The following SCLT1 variants were observed in gnomAD, a reference collection of about 807,000 sequenced individuals.
SCLT1 encodes sodium channel-associated protein 1.
SCLT1 carries 78 observed loss-of-function variants against 112.8 expected under a neutral mutation model. The observed-to-expected ratio is 0.69, with a 90% CI of 0.58 to 0.83. The LOEUF (loss-of-function observed/expected upper bound fraction) is 0.83, where lower values mean the gene tolerates loss of function less well. Among genes scored for constraint, SCLT1 ranks in the 40% least tolerant of loss-of-function variants. SCLT1 has a pLI of 0.00. For missense variants in SCLT1, 747 were observed against 770.4 expected (o/e 0.97, Z 0.36); for synonymous variants, 257 against 254.7 (o/e 1.01, Z -0.09).
At chr4:129,034,732 A>T (rs1281106388) in intron 5 of SCLT1, among the ~76,000 whole-genome samples, 1 of 150,630 alleles carries the variant, frequency 6.6e-6, no homozygotes, top group Non-Finnish European at 1.5e-5. Flanking sequence ...AAGGCCAGAG[A>T]GTACATAAAT....
intron 18 of SCLT1, among the ~76,000 whole-genome samples, chr4:128,911,326 G>A (rs1735080489): frequency 1.3e-5 from 2 of 152,162 alleles, no homozygotes; most frequent in African/African-American, 4.8e-5. Flanking sequence ...AGTAAGATTA[G>A]TACATATATA....
chr4:128,916,122 A>G (rs1735453543), intron 18 of SCLT1, among the ~76,000 whole-genome samples: 1 of 152,212 alleles, frequency 6.6e-6, no homozygotes, highest in African/African-American at 2.4e-5. Flanking sequence ...TTAAATTGCA[A>G]GGTATAATTC....
Position 128,884,288 on chromosome 4 carries a change from T to C in SCLT1, c.*189A>G. On this transcript the variant is annotated 3_prime_UTR_variant, in exon 21 of 21. Coordinates refer to ENST00000281142, the MANE Select transcript of SCLT1 (RefSeq NM_144643.4). ...TCTCCACTGAAGCTCAATATAGGAT[T>C]ATATTTTCTTTACTTACAGGAAGTG... The C allele has an allele frequency of 6.3e-6, 3 of 479,130 alleles. No individual in the cohort carries two copies. Among genetic ancestry groups the C allele is most frequent in the Non-Finnish European group, 1.1e-5 (3 of 272,228 alleles). 29.7% of individuals were successfully genotyped at this position (479,130 alleles called of 1,614,324 possible).
In SCLT1 at chr4:129,052,679, G is replaced by C. The variant is rs567064454; in HGVS notation, c.103-8628C>G. 2.0e-5 allele frequency among the ~76,000 whole-genome samples: 3 copies of C among 152,022 alleles called. No homozygotes were observed. The South Asian group carries it at 6.2e-4, about 32-fold the overall frequency. On this transcript the variant is annotated intron_variant, in intron 2 of 20. Transcript: ENST00000281142. ...AATCATTGATCTTTTAGAAAAATTA[G>C]CTCCTAGACTTATTAATTTTTTGAA...
At chr4:129,011,781 A>G (rs1744543575) in intron 5 of SCLT1, among the ~76,000 whole-genome samples, 1 of 152,124 alleles carries the variant, frequency 6.6e-6, no homozygotes, top group Non-Finnish European at 1.5e-5. Context: ...GTATGTGTCT[A>G]GAAATTCATC....
chr4:128,981,892 A>G (rs767482762), intron 9 of SCLT1, among the ~76,000 whole-genome samples: 3 of 152,198 alleles, frequency 2.0e-5, no homozygotes, highest in Non-Finnish European at 4.4e-5. Flanking sequence ...TCCTATAGGC[A>G]TTTAGTAGCC....
Position 128,992,203 on chromosome 4 carries a change from T to C in SCLT1, c.650A>G (p.Gln217Arg). 6.2e-7 allele frequency: 1 copy of C among 1,602,814 alleles called. No homozygotes were observed. Among genetic ancestry groups the C allele is most frequent in the Non-Finnish European group, 8.5e-7 (1 of 1,173,600 alleles). Residue 217 changes from glutamine to arginine, a missense_variant, in exon 9 of 21, where the codon CAA (glutamine) becomes CGA (arginine). Transcript: ENST00000281142. ...TCGGAGTTGTTCGATTATCACACTT[T>C]GTTCAGTTACTGTTTTCAGAAACTG... ...NQQFLKTVTE[Q>R]SVIIEQLRKK...
chr4:128,898,771 C>T (rs967762770), intron 18 of SCLT1, among the ~76,000 whole-genome samples: 5 of 151,894 alleles, frequency 3.3e-5, no homozygotes, highest in African/African-American at 9.7e-5. Flanking sequence ...ATTGATAGAC[C>T]GCTAGCAAGA....
intron 15 of SCLT1, among the ~76,000 whole-genome samples, chr4:128,946,910 C>T (rs371731488): frequency 2.6e-5 from 4 of 152,284 alleles, no homozygotes; most frequent in South Asian, 2.1e-4. Context: ...CCTCTTACAG[C>T]ACAAGGTCTG....
intron 18 of SCLT1, among the ~76,000 whole-genome samples, chr4:128,897,699 A>C (rs1383426293): frequency 6.6e-6 from 1 of 152,206 alleles, no homozygotes; most frequent in Admixed American, 6.5e-5. Context: ...AAATGCGCTA[A>C]ATGCTCCAAT....
intron 2 of SCLT1, among the ~76,000 whole-genome samples, chr4:129,076,039 A>G (rs967251077): frequency 2.6e-5 from 4 of 152,052 alleles, no homozygotes; most frequent in Non-Finnish European, 5.9e-5. Flanking sequence ...CTTTCTATCA[A>G]AAATAGGTCT....
chr4:128,978,293 C>T (rs1043552757), intron 9 of SCLT1, among the ~76,000 whole-genome samples: 1 of 151,928 alleles, frequency 6.6e-6, no homozygotes, highest in African/African-American at 2.4e-5. Context: ...ACTTGGAAAA[C>T]ATTAGGGCTG....
At chr4:129,066,746 A>T (rs1750521163) in intron 2 of SCLT1, among the ~76,000 whole-genome samples, 1 of 152,124 alleles carries the variant, frequency 6.6e-6, no homozygotes, top group Non-Finnish European at 1.5e-5. Context: ...AATAATGTTG[A>T]GCACATAATA....
In SCLT1 at chr4:128,970,424, T is replaced by C; in HGVS notation, c.731A>G (p.Glu244Gly). The C allele has an allele frequency of 6.2e-7, 1 of 1,610,140 alleles. No individual in the cohort carries two copies. Among genetic ancestry groups the C allele is most frequent in the East Asian group, 2.2e-5 (1 of 44,746 alleles). ...CAGATCTTCAGTCACATTAGTTAAC[T>C]CTTCCACTTTTGCTACAGCAACTCT... ...ELRVAVAKVE[E>G]LTNVTEDLQG... is the part of the protein sequence containing the mutation. Residue 244 changes from glutamate to glycine, a missense_variant, in exon 10 of 21, where the codon GAG becomes GGG. Physicochemically the swap from Glu to Gly is moderately conservative, Grantham distance 98. Around this residue, in one of 2 missense-constraint regions of SCLT1, gnomAD observed 723 missense variants for 721.3 expected, o/e 1.00. Transcript: ENST00000281142.
chr4:129,088,062 G>C (rs1412687999), intron 1 of SCLT1, among the ~76,000 whole-genome samples: 1 of 151,686 alleles, frequency 6.6e-6, no homozygotes, highest in African/African-American at 2.4e-5. Context: ...ACTCCAGCCT[G>C]GGCAATAGAG....
chr4:128,900,317 A>C (rs917019554), intron 18 of SCLT1, among the ~76,000 whole-genome samples: 1 of 152,246 alleles, frequency 6.6e-6, no homozygotes, highest in African/African-American at 2.4e-5. Flanking sequence ...TGGTACTGGT[A>C]CCAAAACAGA....
intron 18 of SCLT1, among the ~76,000 whole-genome samples, chr4:128,905,809 ATT>A (rs34030004): frequency 0.023 from 3,524 of 150,276 alleles, 118 homozygotes; most frequent in African/African-American, 0.075. Context: ...TTTTTAGACT[ATT>A]TTTTTTTTTC....
At position 128,898,127 on chromosome 4, in the gene SCLT1, TAAC is replaced by T. The variant is rs369217326; in HGVS notation, c.1830-6993_1830-6991del. The stretch of plus-strand genomic sequence containing the variant: ...TAGACAGATCAACGAGACAGAAAGT[TAAC>T]AAGGATATCCAGGAATTGAACTCAG... On this transcript the variant is annotated intron_variant, in intron 18 of 20. Transcript: ENST00000281142. 4.5e-4 allele frequency among the ~76,000 whole-genome samples: 68 copies of T among 152,078 alleles called. No individual in the cohort carries two copies. The East Asian group carries it at 0.011, about 25-fold the overall frequency.
intron 5 of SCLT1, among the ~76,000 whole-genome samples, chr4:129,015,012 T>C (rs1032175596): frequency 1.3e-5 from 2 of 151,860 alleles, no homozygotes; most frequent in African/African-American, 2.4e-5. Flanking sequence ...GGTAGCTCAG[T>C]GTGGGGGAGG....
Sources: gnomAD v4.1 joint callset for allele counts (sites outside exome capture counted in the v4.1 genomes callset) on GRCh38, gnomAD v4.1.1 for gene constraint, gnomAD v4.1.1 regional missense constraint, MANE v1.5 for transcripts, NCBI Gene and HGNC (gene_info 2026-07-23, HGNC 2026-07-21) for gene names.